Variants in CAMK2D observed in about 807,000 individuals in gnomAD.
CAMK2D encodes calcium/calmodulin-dependent protein kinase type II subunit delta.
Under a neutral mutation model 84.0 loss-of-function variants are expected in CAMK2D, and 37 were observed. That is an observed-to-expected ratio of 0.44 (90% CI 0.34 to 0.58). The LOEUF is 0.58. Among genes scored for constraint, CAMK2D ranks in the 20% least tolerant of loss-of-function variants. The pLI is 0.02. For missense variants in CAMK2D, 448 were observed against 652.5 expected (o/e 0.69, Z 3.41); for synonymous variants, 202 against 212.5 (o/e 0.95, Z 0.43).
At chr4:113,470,403 G>T (rs938715875) in intron 16 of CAMK2D, among the ~76,000 whole-genome samples, 6 of 152,000 alleles carry the variant, frequency 3.9e-5, no homozygotes, top group Non-Finnish European at 5.9e-5. Flanking sequence ...CTCAGCACTT[G>T]GAGAGGCCGA....
At position 113,487,416 on chromosome 4, in the gene CAMK2D, GA is replaced by G. The variant is rs375074652; in HGVS notation, c.1135+13046del. Among the ~76,000 whole-genome samples, 588 of 151,978 alleles carry G rather than the reference GA, an allele frequency of 3.9e-3. 5 individuals carry two copies. Among genetic ancestry groups the G allele is most frequent in the African/African-American group, 0.014 (568 of 41,482 alleles). On this transcript the variant is annotated intron_variant, in intron 16 of 20. Coordinates refer to ENST00000511664, the MANE Select transcript of CAMK2D (RefSeq NM_001321571.2). ...ATAAAATAATACAAACTCAGCAAAG[GA>G]GACATTATTTCACTCAAGCAATTAT...
At chr4:113,580,753 T>C (rs1022232310) in intron 4 of CAMK2D, among the ~76,000 whole-genome samples, 1 of 152,130 alleles carries the variant, frequency 6.6e-6, no homozygotes, top group Non-Finnish European at 1.5e-5. Context: ...TTATCAGGAT[T>C]AAATGAAATA....
At chr4:113,667,995 T>G (rs1247331615) in intron 2 of CAMK2D, among the ~76,000 whole-genome samples, 1 of 152,140 alleles carries the variant, frequency 6.6e-6, no homozygotes, top group Non-Finnish European at 1.5e-5. Context: ...AGTGAAACTT[T>G]TTGAAAGTCT....
chr4:113,689,860 G>C (rs1283405079), intron 2 of CAMK2D, among the ~76,000 whole-genome samples: 1 of 152,100 alleles, frequency 6.6e-6, no homozygotes, highest in Non-Finnish European at 1.5e-5. Flanking sequence ...ATTCCCACTA[G>C]AACACTAACT....
At chr4:113,539,006 CAAG>C (rs2098512185) in intron 6 of CAMK2D, among the ~76,000 whole-genome samples, 1 of 152,092 alleles carries the variant, frequency 6.6e-6, no homozygotes, top group African/African-American at 2.4e-5. Context: ...AAAGATATCT[CAAG>C]AATATAAAAG....
At chr4:113,693,725 A>T (rs1019420414) in intron 2 of CAMK2D, among the ~76,000 whole-genome samples, 1 of 152,222 alleles carries the variant, frequency 6.6e-6, no homozygotes, top group Non-Finnish European at 1.5e-5. Flanking sequence ...ATCACCAAAC[A>T]CAAGTATAAA....
At chr4:113,660,532 C>T (rs1372006263) in intron 3 of CAMK2D, among the ~76,000 whole-genome samples, 2 of 152,054 alleles carry the variant, frequency 1.3e-5, no homozygotes, top group Non-Finnish European at 2.9e-5. Flanking sequence ...TGGGACCATA[C>T]ATGCACACTA....
At chr4:113,683,305 G>T (rs1049621960) in intron 2 of CAMK2D, among the ~76,000 whole-genome samples, 3 of 152,150 alleles carry the variant, frequency 2.0e-5, no homozygotes, top group Non-Finnish European at 4.4e-5. Flanking sequence ...TCCACCACCT[G>T]CACAGGAAAC....
At chr4:113,455,926 C>G (rs1221245875) in intron 19 of CAMK2D, 105 bp from the exon 20 acceptor site, 1 of 687,802 alleles carries the variant, frequency 1.5e-6, no homozygotes, top group South Asian at 1.7e-5. Context: ...ACCTAAACCC[C>G]TGGTACTGTA....
At chr4:113,711,348 C>G (rs2099491929) in intron 2 of CAMK2D, among the ~76,000 whole-genome samples, 3 of 151,780 alleles carry the variant, frequency 2.0e-5, no homozygotes. Context: ...CTAAATCTCC[C>G]TTTACCCCAA....
rs1553997124 is a variant in CAMK2D, at chr4:113,603,773, T to TTATATATATACA, written c.275+5378_275+5379insTGTATATATATA. On this transcript the variant is annotated intron_variant, in intron 4 of 20. Coordinates refer to ENST00000511664, the MANE Select transcript of CAMK2D (RefSeq NM_001321571.2). ...ATCTTTCTATATATTTCTTGCTATT[T>TTATATATATACA]TATATATATATATATATATATATAT... is the stretch of plus-strand genomic sequence containing the variant. Among the ~76,000 whole-genome samples, 290 of 127,968 alleles carry TTATATATATACA rather than the reference T, an allele frequency of 2.3e-3. 4 individuals are homozygous for TTATATATATACA. Among genetic ancestry groups the TTATATATATACA allele is most frequent in the African/African-American group, 9.1e-3 (280 of 30,676 alleles). 84.0% of individuals were successfully genotyped at this position (127,968 alleles called of 152,430 possible).
chr4:113,661,716 T>C lies in CAMK2D; in HGVS notation c.217A>G (p.Ile73Val). 7.1e-7 allele frequency: 1 copy of C among 1,418,178 alleles called. No individual in the cohort carries two copies. Among genetic ancestry groups the C allele is most frequent in the Non-Finnish European group, 9.7e-7 (1 of 1,034,584 alleles). 87.8% of individuals were successfully genotyped at this position (1,418,178 alleles called of 1,614,324 possible). A position where few individuals can be genotyped will look rare whatever the true frequency, so the allele number is the denominator to read the frequency against. Reference sequence around the variant, plus strand: ...AACATTAAAAATACGTTCTCACCAATATTAGGGTGCTTCAAAAGACGGCAG... The same window carrying C: ...AACATTAAAAATACGTTCTCACCAACATTAGGGTGCTTCAAAAGACGGCAG... ...RICRLLKHPN[I>V]VRLHDSISEE... Residue 73 changes from isoleucine (I) to valine (V), a missense_variant, in exon 3 of 21, where the codon ATT (isoleucine) becomes GTT (valine). Coordinates refer to ENST00000511664, the MANE Select transcript of CAMK2D (RefSeq NM_001321571.2).
chr4:113,604,192 T>G (rs1353415867), intron 4 of CAMK2D, among the ~76,000 whole-genome samples: 1 of 152,136 alleles, frequency 6.6e-6, no homozygotes, highest in African/African-American at 2.4e-5. Flanking sequence ...TTATTTTATC[T>G]CGGAACTCAT....
chr4:113,577,372 C>G (rs2098788350), intron 4 of CAMK2D, among the ~76,000 whole-genome samples: 2 of 152,130 alleles, frequency 1.3e-5, no homozygotes, highest in Non-Finnish European at 2.9e-5. Flanking sequence ...TTTGGGTTCT[C>G]TATTCAGGAA....
chr4:113,709,904 C>T (rs540112952), intron 2 of CAMK2D, among the ~76,000 whole-genome samples: 3 of 149,944 alleles, frequency 2.0e-5, no homozygotes, highest in African/African-American at 7.4e-5. Context: ...TAATTTAATG[C>T]CAGGCACGGG....
chr4:113,482,547 A>G (rs2097713394), intron 16 of CAMK2D, among the ~76,000 whole-genome samples: 1 of 152,238 alleles, frequency 6.6e-6, no homozygotes, highest in Admixed American at 6.5e-5. Context: ...TGCAGACTGC[A>G]CTGATAGTAC....
chr4:113,615,277 T>C (rs923668916), intron 3 of CAMK2D, among the ~76,000 whole-genome samples: 5 of 151,974 alleles, frequency 3.3e-5, no homozygotes, highest in African/African-American at 1.2e-4. Context: ...ATAATAAATA[T>C]ATACATATAT....
At chr4:113,608,647 G>C (rs2098987467) in intron 4 of CAMK2D, among the ~76,000 whole-genome samples, 1 of 152,042 alleles carries the variant, frequency 6.6e-6, no homozygotes, top group South Asian at 2.1e-4. Flanking sequence ...CATATGTGTG[G>C]CCTGTTTTAC....
intron 3 of CAMK2D, among the ~76,000 whole-genome samples, chr4:113,654,932 C>T (rs1201035046): frequency 6.6e-6 from 1 of 151,618 alleles, no homozygotes; most frequent in Non-Finnish European, 1.5e-5. Context: ...AAATATATTT[C>T]CCCATTGTTG....
Sources: allele counts gnomAD v4.1 joint callset (sites outside exome capture counted in the v4.1 genomes callset), GRCh38; gene constraint gnomAD v4.1.1; transcripts MANE v1.5; gene names NCBI Gene and HGNC (gene_info 2026-07-23, HGNC 2026-07-21).